The following LASP1 variants were observed in gnomAD, a reference collection of about 807,000 sequenced individuals.
LASP1 encodes LIM and SH3 protein 1, also known as LIM and SH3 domain protein 1.
A neutral mutation model predicts 38.6 loss-of-function variants in LASP1; 10 were observed. That is an observed-to-expected ratio of 0.26 (90% CI 0.16 to 0.44). The LOEUF is 0.44. Ranked by LOEUF, LASP1 falls within the 20% of genes least tolerant of loss-of-function variation. The pLI is 1.00. For synonymous variants in LASP1, 132 were observed against 140.8 expected (o/e 0.94, Z 0.44); for missense variants, 243 against 375.7 (o/e 0.65, Z 2.92).
In LASP1 at chr17:38,919,659, C is replaced by T. The variant is rs755674971; in HGVS notation, c.*881C>T. On this transcript the variant is annotated 3_prime_UTR_variant, in exon 7 of 7. Transcript: ENST00000318008. ...GGGTGCCTCAGGACCTTTTGGTCTT[C>T]AGCCTCCCTCAGCCCCCAGGATCTG... 3 of 334,040 alleles carry T rather than the reference C, an allele frequency of 9.0e-6. No homozygotes were observed. Among genetic ancestry groups the T allele is most frequent in the Non-Finnish European group, 1.7e-5 (3 of 173,690 alleles). 20.7% of individuals were successfully genotyped at this position (334,040 alleles called of 1,614,324 possible).
At chr17:38,916,158 G>A (rs2143832182) in intron 6 of LASP1, 1 of 152,516 alleles carries the variant, frequency 6.6e-6, no homozygotes, top group East Asian at 1.9e-4. Flanking sequence ...TTCCAGTCAG[G>A]GGGACAAACA....
chr17:38,890,658 CT>C (rs1567698490), intron 3 of LASP1, among the ~76,000 whole-genome samples, 154 bp downstream of exon 3: 1 of 152,168 alleles, frequency 6.6e-6, no homozygotes, highest in African/African-American at 2.4e-5. Flanking sequence ...GACCCCACCC[CT>C]GACTTTATCA....
chr17:38,913,019 C>T (rs1178843996), intron 4 of LASP1, among the ~76,000 whole-genome samples: 1 of 152,174 alleles, frequency 6.6e-6, no homozygotes, highest in Non-Finnish European at 1.5e-5. Flanking sequence ...CAGAGTGCAG[C>T]TTCCCTCCCC....
chr17:38,886,689 C>G lies in LASP1; in HGVS notation c.165-3731C>G, dbSNP rs533279130. Among the ~76,000 whole-genome samples the G allele has an allele frequency of 6.6e-5, 10 of 151,968 alleles. No individual in the cohort carries two copies. In the South Asian group the frequency reaches 1.9e-3, roughly 29 times the overall value. On this transcript the variant is annotated intron_variant, in intron 2 of 6. Transcript: ENST00000318008. ...TGGGTGTAGGGTGAGCAGAGGGACA[C>G]AGTGTGGGGTGCAGGGGGTGTGTGG...
intron 5 of LASP1, 75 bp from the exon 6 acceptor site, chr17:38,914,968 G>C: frequency 7.2e-7 from 1 of 1,395,672 alleles, no homozygotes; most frequent in Non-Finnish European, 1.0e-6. Context: ...TGCATGGTAT[G>C]GACTTCTCGG....
At chr17:38,895,630 A>C (rs1914465967) in intron 3 of LASP1, among the ~76,000 whole-genome samples, 1 of 152,006 alleles carries the variant, frequency 6.6e-6, no homozygotes, top group Non-Finnish European at 1.5e-5. Flanking sequence ...TTTTGTTTTT[A>C]AGTAATGATC....
At chr17:38,883,260 G>T (rs1474297338) in intron 2 of LASP1, among the ~76,000 whole-genome samples, 1 of 152,036 alleles carries the variant, frequency 6.6e-6, no homozygotes, top group African/African-American at 2.4e-5. Context: ...TGGGCCTGTG[G>T]TCCCAGTTAC....
At chr17:38,910,016 G>A (rs1331439933) in intron 4 of LASP1, among the ~76,000 whole-genome samples, 1 of 152,160 alleles carries the variant, frequency 6.6e-6, no homozygotes, top group Non-Finnish European at 1.5e-5. Context: ...CCAAAGTGCT[G>A]GGATTAAAGG....
intron 4 of LASP1, among the ~76,000 whole-genome samples, chr17:38,903,443 T>A (rs1307091754): frequency 2.0e-5 from 3 of 152,196 alleles, no homozygotes; most frequent in African/African-American, 4.8e-5. Context: ...CACTGCAGCC[T>A]CGAACTCTTG....
At position 38,918,459 on chromosome 17, in the gene LASP1, A is replaced by G. The variant is rs1489867629; in HGVS notation, c.613-146A>G. On this transcript the variant is annotated intron_variant, in intron 6 of 6. Transcript: ENST00000318008. This position sits in a 1 kb window ranked among gnomAD's most constrained non-coding sequence, Gnocchi z 4.4. ...CAGAAAGCAAGACACAGAGGTTAAG[A>G]ATCTTTGCAGCAGAGCCTGGTGCTC... The G allele has an allele frequency of 2.5e-6, 2 of 809,050 alleles. No homozygotes were observed. The highest frequency in any genetic ancestry group is 3.9e-6 in the Non-Finnish European group (2 of 506,700). The allele number at this position is 809,050 out of a possible 1,614,324, so 50.1% of individuals were successfully genotyped here. A position where few individuals can be genotyped will look rare whatever the true frequency, so the allele number is the denominator to read the frequency against.
chr17:38,917,653 A>G (rs2143835963), intron 6 of LASP1, among the ~76,000 whole-genome samples: 1 of 152,118 alleles, frequency 6.6e-6, no homozygotes. Context: ...ATAATCATAC[A>G]AATAATAGCA....
chr17:38,898,705 C>T (rs1171663117), intron 4 of LASP1, 186 bp downstream of exon 4: 2 of 665,330 alleles, frequency 3.0e-6, no homozygotes, highest in African/African-American at 3.5e-5. Flanking sequence ...ACCCCCAGAC[C>T]ACCAGCACGC....
At chr17:38,881,966 T>G (rs1913964860) in intron 2 of LASP1, among the ~76,000 whole-genome samples, 2 of 152,218 alleles carry the variant, frequency 1.3e-5, no homozygotes, top group Non-Finnish European at 2.9e-5. Flanking sequence ...CAGACTTGTT[T>G]GGGGGAGAGG....
At chr17:38,885,156 AG>A (rs1413730523) in intron 2 of LASP1, among the ~76,000 whole-genome samples, 3 of 152,096 alleles carry the variant, frequency 2.0e-5, no homozygotes, top group Non-Finnish European at 2.9e-5. Context: ...TGAGTGCTGG[AG>A]GTGGCTGGGG....
intron 6 of LASP1, chr17:38,916,078 G>A (rs1915114191): frequency 2.0e-5 from 3 of 152,280 alleles, no homozygotes; most frequent in Admixed American, 2.0e-4. Context: ...CCTCCTCAAT[G>A]GGTCTGTCCT....
At chr17:38,877,743 G>T (rs226216) in intron 1 of LASP1, among the ~76,000 whole-genome samples, 97,392 of 152,074 alleles carry the variant, frequency 0.64, 31,516 homozygotes, top group East Asian at 0.87. Flanking sequence ...ATGAGGCCTC[G>T]CCAGCTCTGG....
chr17:38,876,400 C>T (rs1913778310), intron 1 of LASP1, among the ~76,000 whole-genome samples: 1 of 150,426 alleles, frequency 6.6e-6, no homozygotes, highest in African/African-American at 2.5e-5. Flanking sequence ...TCGCTCTATA[C>T]CCCAGGCTGG....
At chr17:38,905,108 G>A (rs980325844) in intron 4 of LASP1, among the ~76,000 whole-genome samples, 1 of 152,086 alleles carries the variant, frequency 6.6e-6, no homozygotes, top group Non-Finnish European at 1.5e-5. Flanking sequence ...GTATTCCATT[G>A]TTTGTTTATA....
chr17:38,905,171 T>C (rs1220855461), intron 4 of LASP1, among the ~76,000 whole-genome samples: 1 of 152,192 alleles, frequency 6.6e-6, no homozygotes, highest in African/African-American at 2.4e-5. Context: ...TTCCAGTTGC[T>C]ATGGACATTT....
Sources: gnomAD v4.1 joint callset for allele counts (sites outside exome capture counted in the v4.1 genomes callset) on GRCh38, gnomAD v4.1.1 for gene constraint, Gnocchi (gnomAD v3.1) non-coding constraint, MANE v1.5 for transcripts, NCBI Gene and HGNC (gene_info 2026-07-23, HGNC 2026-07-21) for gene names.